The following SEC16A variants were observed in gnomAD, a reference collection of about 807,000 sequenced individuals.
SEC16A encodes protein transport protein Sec16A.
A neutral mutation model predicts 221.9 loss-of-function variants in SEC16A; 110 were observed. That is an observed-to-expected ratio of 0.50 (90% CI 0.42 to 0.58). SEC16A has a LOEUF of 0.58. Ranked by LOEUF, SEC16A falls within the 20% of genes least tolerant of loss-of-function variation. The probability of loss-of-function intolerance (pLI) is 0.00; values close to 1 mark genes in which losing one functional copy is unlikely to be tolerated. For synonymous variants in SEC16A, 1,393 were observed against 1,257.7 expected, an observed-to-expected ratio of 1.11 and a Z score of -2.28; for missense variants, 3,165 against 3,097.8, an observed-to-expected ratio of 1.02 and a Z score of -0.52.
Position 136,446,901 on chromosome 9 carries a change from G to A in SEC16A, c.6746C>T (p.Ala2249Val), listed in dbSNP as rs572245522. Residue 2249 changes from alanine (A) to valine (V), a missense_variant, in exon 28 of 32, where the codon GCA becomes GTA. Ala to Val is a moderately conservative substitution (Grantham distance 64, BLOSUM62 0). Coordinates refer to ENST00000684901, the MANE Select transcript of SEC16A (RefSeq NM_014866.2). ...TGGATTGGCCAGGCCCCTAGCTGCT[G>A]CAGGCCCTTCCCTGCCAGTCCCGTC... ...LPDGTGREGP[A>V]AARGLANPEP... 1.2e-5 allele frequency: 19 copies of A among 1,613,414 alleles called. No individual in the cohort carries two copies. The highest frequency in any genetic ancestry group is 1.7e-4 in the Middle Eastern group (1 of 6,060).
chr9:136,475,749 GT>G lies in SEC16A; in HGVS notation c.1866del (p.Lys622AsnfsTer14). ...ACGTTGGCGCGATCTGCCTCAAATGGTTTTACCCCAACTAAGTGAGATTTTA... is the reference window on the plus strand; with the variant it reads ...ACGTTGGCGCGATCTGCCTCAAATGGTTTACCCCAACTAAGTGAGATTTTA... The part of the protein sequence containing the change: ...EPVKSHLVGV[K>X]PFEADRANVV... On this transcript the variant is annotated frameshift_variant, in exon 3 of 32. Transcript: ENST00000684901. LOFTEE classifies it high-confidence loss of function. This position sits in a 1 kb window ranked among gnomAD's most constrained non-coding sequence, Gnocchi z 5.0. 6.2e-7 allele frequency: 1 copy of G among 1,606,892 alleles called. No homozygotes were observed. The highest frequency in any genetic ancestry group is 1.1e-5 in the South Asian group (1 of 89,900).
intron 4 of SEC16A, 56 bp from the exon 5 acceptor site, chr9:136,468,568 C>T: frequency 8.8e-7 from 1 of 1,138,464 alleles, no homozygotes. Flanking sequence ...TAAAGTGTGA[C>T]ATCAGCCAAT....
At chr9:136,477,812 T>C in intron 2 of SEC16A, 128 bp from the exon 3 acceptor site, 1 of 936,344 alleles carries the variant, frequency 1.1e-6, no homozygotes, top group South Asian at 1.8e-5. Context: ...AAGGACTCTC[T>C]CTCCCCTACA....
intron 29 of SEC16A, 78 bp downstream of exon 29, chr9:136,445,548 TACCCAGTACCGCCCCTCCA>T: frequency 2.2e-6 from 2 of 902,502 alleles, no homozygotes; most frequent in Non-Finnish European, 3.4e-6. Flanking sequence ...TGCCTCTTCC[TACCCAGTACCGCCCCTCCA>T]TAAAGGAAGA....
Position 136,459,939 on chromosome 9 carries a change from A to G in SEC16A, c.5074-65T>C. The G allele has an allele frequency of 6.5e-7, 1 of 1,545,936 alleles. No homozygotes were observed. Among genetic ancestry groups the G allele is most frequent in the Non-Finnish European group, 8.8e-7 (1 of 1,132,874 alleles). Reference sequence around the variant, plus strand: ...AGCCAGCGCCATTTCAATTCCACACAGCTGGGCTCACCAGGCACCTCACGG... The same window carrying G: ...AGCCAGCGCCATTTCAATTCCACACGGCTGGGCTCACCAGGCACCTCACGG... On this transcript the variant is annotated intron_variant, in intron 14 of 31. Coordinates refer to ENST00000684901, the MANE Select transcript of SEC16A (RefSeq NM_014866.2). The surrounding 1 kb of genome is among the most constrained non-coding windows in gnomAD (Gnocchi z 6.1).
intron 30 of SEC16A, 111 bp from the exon 31 acceptor site, chr9:136,444,011 A>C (rs1836583268): frequency 3.1e-6 from 2 of 651,792 alleles, no homozygotes; most frequent in South Asian, 2.0e-5. Context: ...CTTTTACATA[A>C]GCTACAGAAG....
chr9:136,483,445 C>T, upstream of SEC16A: 1 of 722,848 alleles, frequency 1.4e-6, no homozygotes, highest in Non-Finnish European at 1.7e-6. Flanking sequence ...CCTTTGGCCC[C>T]GCCCCTCGGC....
At chr9:136,465,811 A>G (rs1840064615) in intron 8 of SEC16A, 151 bp downstream of exon 8, 1 of 813,602 alleles carries the variant, frequency 1.2e-6, no homozygotes. Flanking sequence ...CCGTCCTGAC[A>G]CACCCTGCTT....
Position 136,474,615 on chromosome 9 carries a change from T to C in SEC16A, c.3001A>G (p.Thr1001Ala), listed in dbSNP as rs1388120036. Residue 1001 changes from threonine to alanine, a missense_variant, in exon 3 of 32, where the codon ACT (threonine) becomes GCT (alanine). Coordinates refer to ENST00000684901, the MANE Select transcript of SEC16A (RefSeq NM_014866.2). Reference sequence around the variant, plus strand: ...TACACGTTTACAGGATTTTCCAAAGTCCTGCTTAAGGTAAAGTCTAGGGCT... The same window carrying C: ...TACACGTTTACAGGATTTTCCAAAGCCCTGCTTAAGGTAAAGTCTAGGGCT... ...YGALDFTLSRTLENPVNVYNP... is the reference protein window; with the variant it reads ...YGALDFTLSRALENPVNVYNP... The C allele has an allele frequency of 4.3e-6, 7 of 1,613,048 alleles. No individual in the cohort carries two copies. The highest frequency in any genetic ancestry group is 5.1e-6 in the Non-Finnish European group (6 of 1,179,768).
chr9:136,477,612 G>A lies in SEC16A; in HGVS notation c.4C>T (p.Gln2Ter). 6.2e-7 allele frequency: 1 copy of A among 1,604,646 alleles called. No homozygotes were observed. The highest frequency in any genetic ancestry group is 8.5e-7 in the Non-Finnish European group (1 of 1,175,728). The stretch of plus-strand genomic sequence containing the variant: ...GACGGGACCGTCTGGGGCGGTGGCT[G>A]CATGACTGAACCCTTGCACAAGTCG... M[Q>*]PPPQTVPSGM... The change falls in exon 3 of 32, where the codon CAG becomes TAG. Residue 2 changes from glutamine (Q) to a stop codon, truncating the protein, a stop_gained. Transcript: ENST00000684901. LOFTEE classifies it high-confidence loss of function.
intron 13 of SEC16A, among the ~76,000 whole-genome samples, chr9:136,460,854 G>A (rs573075107): frequency 7.2e-5 from 11 of 151,832 alleles, no homozygotes; most frequent in Admixed American, 2.0e-4. Flanking sequence ...CAGGGGTTGC[G>A]GTGAGCTGAG....
intron 4 of SEC16A, among the ~76,000 whole-genome samples, chr9:136,469,080 G>A (rs922999519): frequency 6.6e-6 from 1 of 152,008 alleles, no homozygotes; most frequent in Non-Finnish European, 1.5e-5. Context: ...GAACACCTGG[G>A]GTCAAGCGAT....
chr9:136,451,406 G>A lies in SEC16A; in HGVS notation c.6162C>T (p.Thr2054=). ...ENFDGKFANL[T]PSRTVPDSEA... ...CCGAGTCTGGCACCGTCCTCGAGGG[G>A]GTCTGTCGCAAGGAAATGCAGAACA... The change falls in exon 23 of 32, where the codon ACC becomes ACT. Residue 2054 remains threonine (T), a splice_region_variant and synonymous_variant. Coordinates refer to ENST00000684901, the MANE Select transcript of SEC16A (RefSeq NM_014866.2). The A allele has an allele frequency of 6.3e-7, 1 of 1,598,358 alleles. No individual in the cohort carries two copies. Among genetic ancestry groups the A allele is most frequent in the Non-Finnish European group, 8.5e-7 (1 of 1,173,474 alleles).
chr9:136,459,608 G>A lies in SEC16A; in HGVS notation c.5192-53C>T, dbSNP rs1163259753. The A allele has an allele frequency of 1.8e-5, 27 of 1,461,232 alleles. No homozygotes were observed. Among genetic ancestry groups the A allele is most frequent in the East Asian group, 1.2e-4 (5 of 40,872 alleles). The allele number at this position is 1,461,232 out of a possible 1,614,324, so 90.5% of individuals were successfully genotyped here. ...GGGGGCTCAGCGACCGGGAGCGCTT[G>A]CAGAAGTCAAGGACGCGCACAGAAG... On this transcript the variant is annotated intron_variant, in intron 15 of 31. Coordinates refer to ENST00000684901, the MANE Select transcript of SEC16A (RefSeq NM_014866.2). The surrounding 1 kb of genome is among the most constrained non-coding windows in gnomAD (Gnocchi z 6.1).
In SEC16A at chr9:136,445,071, A is replaced by G. The variant is rs777202089; in HGVS notation, c.6908T>C (p.Val2303Ala). The G allele has an allele frequency of 2.5e-6, 4 of 1,607,454 alleles. No individual in the cohort carries two copies. The highest frequency in any genetic ancestry group is 3.4e-6 in the Non-Finnish European group (4 of 1,177,144). The change falls in exon 30 of 32, where the codon GTG becomes GCG. Residue 2303 changes from valine to alanine, a missense_variant. Val to Ala is a moderately conservative substitution (Grantham distance 64). This residue lies in a region of SEC16A where 1,088 missense variants were observed against 1,089.6 expected (regional missense o/e 1.00). Transcript: ENST00000684901. ...AGGTACCTGATTAAAATGCTGGCTC[A>G]CTTCACGTGATAATGAACTCATTGA... ...CSSMSSLSRE[V>A]SQHFNQAPGD... is the part of the protein sequence containing the mutation.
chr9:136,467,209 T>C, intron 5 of SEC16A, 126 bp from the exon 6 acceptor site: 1 of 1,108,430 alleles, frequency 9.0e-7, no homozygotes, highest in Non-Finnish European at 1.3e-6. Flanking sequence ...ACCCAGCTTC[T>C]TCCTGGAAAC....
Position 136,441,500 on chromosome 9 carries a change from T to C in SEC16A, c.*255A>G. 3 of 548,618 alleles carry C rather than the reference T, an allele frequency of 5.5e-6. No individual in the cohort carries two copies. The highest frequency in any genetic ancestry group is 2.1e-5 in the South Asian group (1 of 46,622). 34.0% of individuals were successfully genotyped at this position (548,618 alleles called of 1,614,324 possible). A position where few individuals can be genotyped will look rare whatever the true frequency, so the allele number is the denominator to read the frequency against. Reference sequence around the variant, plus strand: ...AAATCATCCTAAATGACTAAGAAAGTCACATCATTCTTTTCGGCAAACAAT... The same window carrying C: ...AAATCATCCTAAATGACTAAGAAAGCCACATCATTCTTTTCGGCAAACAAT... On this transcript the variant is annotated 3_prime_UTR_variant, in exon 32 of 32. Coordinates refer to ENST00000684901, the MANE Select transcript of SEC16A (RefSeq NM_014866.2).
intron 28 of SEC16A, 35 bp from the exon 29 acceptor site, chr9:136,445,754 C>G: frequency 6.5e-7 from 1 of 1,539,910 alleles, no homozygotes; most frequent in Non-Finnish European, 8.8e-7. Context: ...GCAACCAAAT[C>G]CCAGGGAATT....
intron 4 of SEC16A, among the ~76,000 whole-genome samples, chr9:136,470,608 G>A (rs1022008970): frequency 2.6e-5 from 4 of 152,214 alleles, no homozygotes; most frequent in African/African-American, 9.6e-5. Context: ...GAGAGGTGAA[G>A]CCTCACAGTG....
Sources: gnomAD v4.1 joint callset for allele counts (sites outside exome capture counted in the v4.1 genomes callset) on GRCh38, gnomAD v4.1.1 for gene constraint, gnomAD v4.1.1 regional missense constraint, Gnocchi (gnomAD v3.1) non-coding constraint, MANE v1.5 for transcripts, NCBI Gene and HGNC (gene_info 2026-07-23, HGNC 2026-07-21) for gene names.